PLEKHG1: variants seen among roughly 807,000 people sequenced by gnomAD.
PLEKHG1 encodes pleckstrin homology domain-containing family G member 1.
In PLEKHG1, 44 loss-of-function variants were observed where a neutral mutation model predicts 100.8. The observed-to-expected ratio is 0.44, with a 90% CI of 0.34 to 0.56. The LOEUF (loss-of-function observed/expected upper bound fraction) is 0.56, where lower values mean the gene tolerates loss of function less well. PLEKHG1 is among the 20% of genes least tolerant of loss of function. The pLI is 0.01. For missense variants in PLEKHG1, 1,545 were observed against 1,720.9 expected (o/e 0.90, Z 1.81); for synonymous variants, 640 against 662.5 (o/e 0.97, Z 0.52).
intron 3 of PLEKHG1, among the ~76,000 whole-genome samples, chr6:150,702,393 C>A (rs1780826009): frequency 6.6e-6 from 1 of 152,098 alleles, no homozygotes; most frequent in Admixed American, 6.6e-5. Flanking sequence ...TCGCTTGAAC[C>A]CCAGAGGCAG....
rs1226662953 is a variant in PLEKHG1, at chr6:150,600,150, C to T, written c.-204+133C>T. ...GCGTGGTACCCGGGCCCCGCCGGCC[C>T]CCTGCGCGCCCCTCCGCAGTGGGGA... On this transcript the variant is annotated intron_variant, in intron 1 of 3. Coordinates refer to the PLEKHG1 transcript ENST00000367326. This position sits in a 1 kb window ranked among gnomAD's most constrained non-coding sequence, Gnocchi z 6.2. 5 of 156,424 alleles carry T rather than the reference C, an allele frequency of 3.2e-5. No individual in the cohort carries two copies. The highest frequency in any genetic ancestry group is 5.7e-5 in the Non-Finnish European group (4 of 70,300). The allele number at this position is 156,424 out of a possible 1,614,324, so 9.7% of individuals were successfully genotyped here.
chr6:150,770,443 A>C (rs1378985892), intron 3 of PLEKHG1, among the ~76,000 whole-genome samples: 2 of 152,184 alleles, frequency 1.3e-5, no homozygotes, highest in African/African-American at 4.8e-5. Flanking sequence ...GACTTTGAAA[A>C]ACAGTTTGTG....
chr6:150,704,821 G>T (rs1426421412), intron 3 of PLEKHG1, among the ~76,000 whole-genome samples: 1 of 152,214 alleles, frequency 6.6e-6, no homozygotes, highest in Non-Finnish European at 1.5e-5. Context: ...GTGCTAGTGG[G>T]GTTGGTGTCC....
intron 3 of PLEKHG1, among the ~76,000 whole-genome samples, chr6:150,669,818 G>C (rs1456313803): frequency 6.6e-6 from 1 of 151,818 alleles, no homozygotes; most frequent in Non-Finnish European, 1.5e-5. Flanking sequence ...GACTGGTCTC[G>C]AACTCCTGAC....
chr6:150,840,185 AAGTC>A lies in PLEKHG1; in HGVS notation c.3450_3453del (p.Gln1151ProfsTer37). The stretch of plus-strand genomic sequence containing the variant: ...CTGTGCAGAGATGCAGCGTGGTAGT[AAGTC>A]AGCCCAACAAAGAGAACTGGTGTCA... On this transcript the variant is annotated frameshift_variant, in exon 16 of 16. Coordinates refer to ENST00000358517, the Ensembl canonical transcript of PLEKHG1. LOFTEE classifies it low-confidence loss of function (END_TRUNC). 6.2e-7 allele frequency: 1 copy of A among 1,614,200 alleles called. No individual in the cohort carries two copies. Among genetic ancestry groups the A allele is most frequent in the Non-Finnish European group, 8.5e-7 (1 of 1,180,020 alleles).
At chr6:150,807,748 C>T (rs1430035515) in intron 7 of PLEKHG1, among the ~76,000 whole-genome samples, 1 of 152,182 alleles carries the variant, frequency 6.6e-6, no homozygotes, top group African/African-American at 2.4e-5. Context: ...CCAAGTGGAT[C>T]ACCCGAGATT....
At chr6:150,802,664 AT>A (rs71554484) in intron 6 of PLEKHG1, among the ~76,000 whole-genome samples, 5,487 of 143,378 alleles carry the variant, frequency 0.038, 144 homozygotes, top group African/African-American at 0.072. Context: ...CATTCACATC[AT>A]TTTTTTTTTT....
chr6:150,772,641 A>G (rs1013355498), intron 3 of PLEKHG1, among the ~76,000 whole-genome samples: 1 of 152,186 alleles, frequency 6.6e-6, no homozygotes, highest in African/African-American at 2.4e-5. Context: ...ATATGCTTTC[A>G]CCTATTTCAA....
intron 3 of PLEKHG1, among the ~76,000 whole-genome samples, chr6:150,770,271 C>G (rs915259319): frequency 6.6e-6 from 1 of 152,178 alleles, no homozygotes; most frequent in Non-Finnish European, 1.5e-5. Context: ...TCCTTGAGGG[C>G]AGGATTCACA....
At chr6:150,840,337 G>A (rs769934522) in exon 16 of PLEKHG1, 2 of 1,614,094 alleles carry the variant, frequency 1.2e-6, no homozygotes, top group Non-Finnish European at 1.7e-6. Context: ...AACTACCCTA[G>A]TGATGTGGGA....
intron 1 of PLEKHG1, among the ~76,000 whole-genome samples, chr6:150,729,606 A>G (rs1782142015): frequency 6.6e-6 from 1 of 152,262 alleles, no homozygotes; most frequent in Admixed American, 6.5e-5. Flanking sequence ...AATGTTAGCC[A>G]TTAGCAAGTG....
intron 2 of PLEKHG1, among the ~76,000 whole-genome samples, chr6:150,641,886 A>AAAAAAAAAAAAAAAAAAAC: frequency 6.6e-6 from 1 of 150,740 alleles, no homozygotes; most frequent in South Asian, 2.1e-4. Flanking sequence ...CAAAAAAAAA[A>AAAAAAAAAAAAAAAAAAAC]AAAAAAAAAA....
chr6:150,832,323 C>T, intron 15 of PLEKHG1, 118 bp downstream of exon 16: 1 of 812,998 alleles, frequency 1.2e-6, no homozygotes. Flanking sequence ...GCTTTGTCAT[C>T]TCAAAGTAAG....
intron 12 of PLEKHG1, among the ~76,000 whole-genome samples, chr6:150,820,224 C>A (rs1248458483): frequency 6.6e-6 from 1 of 151,760 alleles, no homozygotes; most frequent in East Asian, 1.9e-4. Context: ...AAAAAAACCT[C>A]TTTTCTACTT....
intron 6 of PLEKHG1, among the ~76,000 whole-genome samples, chr6:150,802,868 G>A (rs890858814): frequency 6.6e-6 from 1 of 151,950 alleles, no homozygotes; most frequent in African/African-American, 2.4e-5. Context: ...CACCATGTTG[G>A]CCAGGATGGT....
intron 1 of PLEKHG1, among the ~76,000 whole-genome samples, chr6:150,635,541 A>G (rs1777959670): frequency 6.6e-6 from 1 of 152,188 alleles, no homozygotes. Flanking sequence ...CACTTATAGG[A>G]CAATATCTGA....
At chr6:150,717,962 C>T (rs1781505617), upstream of PLEKHG1, among the ~76,000 whole-genome samples, 1 of 152,048 alleles carries the variant, frequency 6.6e-6, no homozygotes, top group South Asian at 2.1e-4. Context: ...CCTGTAGTCC[C>T]AGCTACTCAG....
At chr6:150,782,309 G>A (rs1198544170) in intron 3 of PLEKHG1, among the ~76,000 whole-genome samples, 5 of 151,974 alleles carry the variant, frequency 3.3e-5, no homozygotes, top group African/African-American at 7.2e-5. Context: ...TAGGAGAATC[G>A]CTTGAACCCA....
At chr6:150,784,749 C>T (rs77349876) in intron 3 of PLEKHG1, among the ~76,000 whole-genome samples, 1 of 151,568 alleles carries the variant, frequency 6.6e-6, no homozygotes, top group Non-Finnish European at 1.5e-5. Flanking sequence ...AATTAATGGT[C>T]TTTATCTTGA....
Sources: allele counts gnomAD v4.1 joint callset (sites outside exome capture counted in the v4.1 genomes callset), GRCh38; gene constraint gnomAD v4.1.1; non-coding constraint Gnocchi (gnomAD v3.1); transcripts MANE v1.5; gene names NCBI Gene and HGNC (gene_info 2026-07-23, HGNC 2026-07-21).